The following NPAT variants were observed in gnomAD, a reference collection of about 807,000 sequenced individuals.
NPAT encodes protein NPAT.
Under a neutral mutation model 130.7 loss-of-function variants are expected in NPAT, and 52 were observed. That is an observed-to-expected ratio of 0.40 (90% CI 0.32 to 0.50). The LOEUF is 0.50. NPAT is among the 20% of genes least tolerant of loss of function. The pLI is 0.68. For missense variants in NPAT, 1,687 were observed against 1,662.6 expected (o/e 1.01, Z -0.26); for synonymous variants, 580 against 584.8 (o/e 0.99, Z 0.12).
At position 108,158,117 on chromosome 11, in the gene NPAT, G is replaced by A. The variant is rs1017784956; in HGVS notation, c.*825C>T. On this transcript the variant is annotated 3_prime_UTR_variant, in exon 18 of 18. Coordinates refer to ENST00000278612, the MANE Select transcript of NPAT (RefSeq NM_002519.3). ...GTCACTACAATGTAAAGAGTTCTAT[G>A]AATTAGTGCAATTCTTTAAATCCCC... 6.6e-6 allele frequency: 1 copy of A among 152,402 alleles called. No individual in the cohort carries two copies. The highest frequency in any genetic ancestry group is 2.4e-5 in the African/African-American group (1 of 41,410). 9.4% of individuals were successfully genotyped at this position (152,402 alleles called of 1,614,324 possible).
At chr11:108,180,971 G>A (rs1376034005) in intron 10 of NPAT, among the ~76,000 whole-genome samples, 3 of 152,158 alleles carry the variant, frequency 2.0e-5, no homozygotes, top group Admixed American at 2.0e-4. Context: ...ACTTATGTGA[G>A]GTATGTAAAG....
chr11:108,160,795 T>A, intron 17 of NPAT, 85 bp downstream of exon 17: 1 of 1,211,068 alleles, frequency 8.3e-7, no homozygotes, highest in Admixed American at 2.0e-5. Context: ...TTCAGTCAAG[T>A]TGTTGTGGCA....
In NPAT at chr11:108,190,385, A is replaced by C. The variant is rs536053612; in HGVS notation, c.331+75T>G. ...GAAAATATATACTTAGCACATGTGT[A>C]CAATGAATTAAAATGTTCATCTGAT... On this transcript the variant is annotated intron_variant, in intron 5 of 17. Coordinates refer to ENST00000278612, the MANE Select transcript of NPAT (RefSeq NM_002519.3). The C allele has an allele frequency of 7.0e-5, 78 of 1,113,244 alleles. 2 individuals are homozygous for C. The highest frequency in any genetic ancestry group is 3.9e-4 in the Middle Eastern group (2 of 5,118). 69.0% of individuals were successfully genotyped at this position (1,113,244 alleles called of 1,614,324 possible). A position where few individuals can be genotyped will look rare whatever the true frequency, so the allele number is the denominator to read the frequency against.
rs76128517 is a variant in NPAT, at chr11:108,169,254, C to T, written c.3010+490G>A. On this transcript the variant is annotated intron_variant, in intron 15 of 17. Transcript: ENST00000278612. ...GAAGGTAATTTGCAAACTTTAAAGCCTTGCTTCAAGTGTGGTCCAGTACCA... is the reference window on the plus strand; with the variant it reads ...GAAGGTAATTTGCAAACTTTAAAGCTTTGCTTCAAGTGTGGTCCAGTACCA... Among the ~76,000 whole-genome samples the T allele has an allele frequency of 2.1e-3, 317 of 152,290 alleles. 1 individual carries two copies. Among genetic ancestry groups the T allele is most frequent in the African/African-American group, 7.1e-3 (295 of 41,568 alleles).
intron 1 of NPAT, among the ~76,000 whole-genome samples, chr11:108,212,845 C>T (rs1471701235): frequency 1.4e-5 from 2 of 141,334 alleles, no homozygotes; most frequent in Admixed American, 7.6e-5. Context: ...GCTAGGGAGG[C>T]TGAGGCAGGG....
intron 10 of NPAT, among the ~76,000 whole-genome samples, chr11:108,179,465 C>A (rs1221892992): frequency 6.6e-6 from 1 of 152,146 alleles, no homozygotes; most frequent in Non-Finnish European, 1.5e-5. Flanking sequence ...GTCTCGAACC[C>A]CTGACCTCAA....
chr11:108,196,030 T>C (rs904064945), intron 2 of NPAT, among the ~76,000 whole-genome samples: 7 of 152,254 alleles, frequency 4.6e-5, no homozygotes, highest in African/African-American at 9.6e-5. Context: ...TTTGGTGTCA[T>C]ATATAAAACT....
In NPAT at chr11:108,217,305, G is replaced by T. The variant is rs560819381; in HGVS notation, c.37+5195C>A. Among the ~76,000 whole-genome samples the T allele has an allele frequency of 1.7e-3, 263 of 152,288 alleles. 1 individual carries two copies. Among genetic ancestry groups the T allele is most frequent in the Non-Finnish European group, 3.2e-3 (221 of 68,024 alleles). ...ACCTTGAACTGGACTAACTGGGTAA[G>T]TAATTATCTTGTTTTTATTAATCCA... On this transcript the variant is annotated intron_variant, in intron 1 of 17. Transcript: ENST00000278612.
chr11:108,178,377 G>A (rs74944930), intron 10 of NPAT, among the ~76,000 whole-genome samples: 2,804 of 152,164 alleles, frequency 0.018, 80 homozygotes, highest in African/African-American at 0.063. Flanking sequence ...ATAGGGAGTA[G>A]ATACAGTTTA....
intron 10 of NPAT, among the ~76,000 whole-genome samples, chr11:108,177,488 T>A (rs1246799204): frequency 6.6e-6 from 1 of 151,990 alleles, no homozygotes; most frequent in East Asian, 1.9e-4. Context: ...ACCAGCAAAA[T>A]AATTAGCAGA....
intron 1 of NPAT, among the ~76,000 whole-genome samples, chr11:108,206,963 G>A (rs906088615): frequency 4.6e-5 from 7 of 152,094 alleles, no homozygotes; most frequent in Admixed American, 3.9e-4. Context: ...TTCTGTGCAG[G>A]CAGGTCATCC....
At chr11:108,171,880 CA>C in intron 13 of NPAT, 1 of 248,990 alleles carries the variant, frequency 4.0e-6, no homozygotes, top group Non-Finnish European at 7.8e-6. Flanking sequence ...AAAACTCCCC[CA>C]CAACATTGGG....
chr11:108,169,883 A>G, intron 14 of NPAT, 31 bp from the exon 15 acceptor site: 1 of 1,609,158 alleles, frequency 6.2e-7, no homozygotes, highest in Non-Finnish European at 8.5e-7. Flanking sequence ...AATTACACTA[A>G]GCTTGAAAAG....
chr11:108,178,943 T>G (rs966899368), intron 10 of NPAT, among the ~76,000 whole-genome samples: 1 of 152,028 alleles, frequency 6.6e-6, no homozygotes, highest in South Asian at 2.1e-4. Context: ...AAGAACAAAT[T>G]TGGAGATCTC....
chr11:108,158,489 A>T lies in NPAT; in HGVS notation c.*453T>A, dbSNP rs1354765413. On this transcript the variant is annotated 3_prime_UTR_variant, in exon 18 of 18. Coordinates refer to ENST00000278612, the MANE Select transcript of NPAT (RefSeq NM_002519.3). Reference sequence around the variant, plus strand: ...TAGTACTTAGTGATTGTGTATTTAAATGTCTTATTGAATAGTTACTGAAGG... The same window carrying T: ...TAGTACTTAGTGATTGTGTATTTAATTGTCTTATTGAATAGTTACTGAAGG... 1.9e-5 allele frequency: 3 copies of T among 156,978 alleles called. No individual in the cohort carries two copies. Among genetic ancestry groups the T allele is most frequent in the South Asian group, 1.9e-4 (1 of 5,238 alleles). The allele number at this position is 156,978 out of a possible 1,614,324, so 9.7% of individuals were successfully genotyped here.
intron 1 of NPAT, among the ~76,000 whole-genome samples, chr11:108,206,556 G>A (rs1241620255): frequency 2.0e-5 from 3 of 152,154 alleles, no homozygotes; most frequent in African/African-American, 7.2e-5. Flanking sequence ...GTGGCACCCT[G>A]AAGCTTGGAG....
Position 108,161,769 on chromosome 11 carries a change from G to A in NPAT, c.3317C>T (p.Thr1106Ile). Residue 1106 changes from threonine (T) to isoleucine (I), a missense_variant, in exon 17 of 18, where the codon ACC becomes ATC. This residue lies in a region of NPAT where 1,379 missense variants were observed against 1,346.6 expected (regional missense o/e 1.02). Transcript: ENST00000278612. ...PNLDSPNVSS[T>I]LKPPSNNAIK... The stretch of plus-strand genomic sequence containing the variant: ...AGCATTATTAGAAGGGGGTTTTAAG[G>A]TGGAGGACACATTGGGTGAGTCAAG... The A allele has an allele frequency of 3.1e-6, 5 of 1,613,848 alleles. No homozygotes were observed. Among genetic ancestry groups the A allele is most frequent in the Non-Finnish European group, 4.2e-6 (5 of 1,180,024 alleles).
chr11:108,177,570 TTTAAAACAAA>T (rs1287464699), intron 10 of NPAT, among the ~76,000 whole-genome samples: 2 of 152,176 alleles, frequency 1.3e-5, no homozygotes, highest in African/African-American at 2.4e-5. Flanking sequence ...GACATGCTCA[TTTAAAACAAA>T]TTAAAACAAA....
rs777820447 is a variant in NPAT, at chr11:108,176,991, T to C, written c.1003+3A>G. The C allele has an allele frequency of 2.8e-5, 44 of 1,591,950 alleles. No individual in the cohort carries two copies. The highest frequency in any genetic ancestry group is 3.4e-5 in the Non-Finnish European group (39 of 1,160,122). On this transcript the variant is annotated splice_donor_region_variant and intron_variant, in intron 11 of 17. Coordinates refer to ENST00000278612, the MANE Select transcript of NPAT (RefSeq NM_002519.3). ...TCTGTCTTGAAATAAATAGTCTCCT[T>C]ACCATAGTCAAAGAGATCAAAGAGT... is the stretch of plus-strand genomic sequence containing the variant.
Sources: allele counts gnomAD v4.1 joint callset (sites outside exome capture counted in the v4.1 genomes callset), GRCh38; gene constraint gnomAD v4.1.1; regional missense constraint gnomAD v4.1.1; transcripts MANE v1.5; gene names NCBI Gene and HGNC (gene_info 2026-07-23, HGNC 2026-07-21).